NDUFAF2: variants seen among roughly 807,000 people sequenced by gnomAD.
NDUFAF2 encodes NADH dehydrogenase [ubiquinone] 1 alpha subcomplex assembly factor 2.
Under a neutral mutation model 22.8 loss-of-function variants are expected in NDUFAF2, and 13 were observed. The ratio of observed to expected loss-of-function variants is 0.57; its 90% CI spans 0.37 to 0.91. NDUFAF2 has a LOEUF of 0.91. NDUFAF2 is among the 40% of genes least tolerant of loss of function. NDUFAF2 has a pLI of 0.01. For synonymous variants in NDUFAF2, 53 were observed against 64.2 expected (o/e 0.83, Z 0.84); for missense variants, 162 against 195.2 (o/e 0.83, Z 1.01).
chr5:61,100,936 T>C (rs1467342338), intron 3 of NDUFAF2, among the ~76,000 whole-genome samples: 1 of 152,148 alleles, frequency 6.6e-6, no homozygotes, highest in Non-Finnish European at 1.5e-5. Flanking sequence ...ACCTGGAATA[T>C]GGTCTTCTCC....
At chr5:61,025,744 T>C (rs990831063) in intron 1 of NDUFAF2, among the ~76,000 whole-genome samples, 5 of 152,048 alleles carry the variant, frequency 3.3e-5, no homozygotes, top group African/African-American at 4.8e-5. Flanking sequence ...ACTTCATATA[T>C]AGAAAACACT....
rs570173698 is a variant in NDUFAF2, at chr5:60,955,924, T to G, written c.127+10542T>G. On this transcript the variant is annotated intron_variant, in intron 1 of 3. Transcript: ENST00000296597. ...GATTTTTGTATGTTGACTTTGTTTT[T>G]TTTTTTTTGAGATAGAGTCTCGCTC... is the stretch of plus-strand genomic sequence containing the variant. Among the ~76,000 whole-genome samples, 399 of 151,878 alleles carry G rather than the reference T, an allele frequency of 2.6e-3. 1 individual carries two copies. The highest frequency in any genetic ancestry group is 6.4e-3 in the South Asian group (31 of 4,820).
chr5:61,062,388 G>T (rs1752176093), intron 1 of NDUFAF2, among the ~76,000 whole-genome samples: 1 of 151,980 alleles, frequency 6.6e-6, no homozygotes, highest in South Asian at 2.1e-4. Context: ...CAGAAATCTT[G>T]GAGCTGAAGA....
intron 3 of NDUFAF2, among the ~76,000 whole-genome samples, chr5:61,147,559 C>G (rs1168057738): frequency 6.8e-6 from 1 of 147,668 alleles, no homozygotes; most frequent in African/African-American, 2.5e-5. Context: ...CAGGCGTGAG[C>G]CACCACGTAC....
At chr5:61,035,424 GTTTTT>G (rs768889484) in intron 1 of NDUFAF2, among the ~76,000 whole-genome samples, 2 of 40,544 alleles carry the variant, frequency 4.9e-5, no homozygotes, top group South Asian at 9.9e-4. Context: ...CTCTTGCTCT[GTTTTT>G]TTTTTTTTTT....
chr5:61,152,550 C>T (rs917035430), intron 3 of NDUFAF2, among the ~76,000 whole-genome samples, 154 bp from the exon 4 acceptor site: 1 of 151,952 alleles, frequency 6.6e-6, no homozygotes, highest in African/African-American at 2.4e-5. Context: ...ACAGCTTTTT[C>T]AAACTTATAT....
At chr5:61,102,857 A>C (rs1316348838) in intron 3 of NDUFAF2, among the ~76,000 whole-genome samples, 1 of 145,752 alleles carries the variant, frequency 6.9e-6, no homozygotes, top group African/African-American at 2.4e-5. Context: ...GACACGTTTT[A>C]AGTATATGAA....
intron 1 of NDUFAF2, among the ~76,000 whole-genome samples, chr5:61,043,679 A>G (rs918150902): frequency 6.4e-4 from 96 of 149,310 alleles, no homozygotes; most frequent in Non-Finnish European, 1.0e-3. Flanking sequence ...AGCTGTATAT[A>G]TGTGTGTGTG....
At chr5:61,017,894 C>A (rs1313339123) in intron 1 of NDUFAF2, among the ~76,000 whole-genome samples, 1 of 152,070 alleles carries the variant, frequency 6.6e-6, no homozygotes, top group African/African-American at 2.4e-5. Context: ...GGATGACAGG[C>A]ATGCGTCACC....
chr5:61,138,128 A>G (rs1740991549), intron 3 of NDUFAF2, among the ~76,000 whole-genome samples: 1 of 152,204 alleles, frequency 6.6e-6, no homozygotes, highest in Non-Finnish European at 1.5e-5. Flanking sequence ...GGCTTATCCA[A>G]ATATCTCCAT....
intron 1 of NDUFAF2, among the ~76,000 whole-genome samples, chr5:61,018,845 C>A (rs181065654): frequency 6.6e-6 from 1 of 152,138 alleles, no homozygotes; most frequent in Admixed American, 6.5e-5. Flanking sequence ...TAAGAGCCTG[C>A]ATTTTATTGC....
At chr5:60,974,556 T>C (rs1312518189) in intron 1 of NDUFAF2, among the ~76,000 whole-genome samples, 1 of 152,148 alleles carries the variant, frequency 6.6e-6, no homozygotes, top group African/African-American at 2.4e-5. Context: ...TTTCACCATT[T>C]TGGCCAGGCT....
At chr5:61,015,577 T>A (rs1211174220) in intron 1 of NDUFAF2, among the ~76,000 whole-genome samples, 1 of 152,098 alleles carries the variant, frequency 6.6e-6, no homozygotes, top group Non-Finnish European at 1.5e-5. Context: ...CCACCTCACC[T>A]GGCCCAATTT....
chr5:61,152,968 CA>C lies in NDUFAF2; in HGVS notation c.*16del. On this transcript the variant is annotated 3_prime_UTR_variant, in exon 4 of 4. Coordinates refer to ENST00000296597, the MANE Select transcript of NDUFAF2 (RefSeq NM_174889.5). ...CCACAATCAATGAATGCATTATGGT[CA>C]AATCTTTTCATGTATATGGATGTGA... 1 of 1,613,116 alleles carries C rather than the reference CA, an allele frequency of 6.2e-7. No homozygotes were observed. Among genetic ancestry groups the C allele is most frequent in the Non-Finnish European group, 8.5e-7 (1 of 1,179,408 alleles).
In NDUFAF2 at chr5:61,032,886, A is replaced by G. The variant is rs537962185; in HGVS notation, c.128-40239A>G. On this transcript the variant is annotated intron_variant, in intron 1 of 3. Coordinates refer to ENST00000296597, the MANE Select transcript of NDUFAF2 (RefSeq NM_174889.5). ...TTCTAGATCCTTGAGGAATTGCCAC[A>G]CTGTCTTCCACAATGGCTGAACTAA... is the stretch of plus-strand genomic sequence containing the variant. 2.0e-5 allele frequency among the ~76,000 whole-genome samples: 3 copies of G among 152,286 alleles called. No individual in the cohort carries two copies. In the South Asian group the frequency reaches 6.2e-4, roughly 32 times the overall value.
chr5:61,112,218 C>G (rs915724654), intron 3 of NDUFAF2, among the ~76,000 whole-genome samples: 9 of 139,910 alleles, frequency 6.4e-5, no homozygotes, highest in Non-Finnish European at 9.2e-5. Context: ...TATCCCCCCC[C>G]CTTTTTTTTT....
intron 1 of NDUFAF2, among the ~76,000 whole-genome samples, chr5:61,067,407 G>C (rs549299999): frequency 6.6e-6 from 1 of 151,290 alleles, no homozygotes; most frequent in African/African-American, 2.4e-5. Context: ...AGAACATGTG[G>C]TGTTTGGTTT....
chr5:61,115,559 C>G (rs945403228), intron 3 of NDUFAF2: 35 of 152,058 alleles, frequency 2.3e-4, no homozygotes, highest in African/African-American at 8.2e-4. Context: ...TTATAGTATT[C>G]TTGCTAATAA....
intron 1 of NDUFAF2, among the ~76,000 whole-genome samples, chr5:61,057,291 G>A (rs1219435384): frequency 1.3e-5 from 2 of 152,130 alleles, no homozygotes; most frequent in Non-Finnish European, 2.9e-5. Context: ...TAGATTCACA[G>A]CTGAAGTAGG....
Sources: gnomAD v4.1 joint callset for allele counts (sites outside exome capture counted in the v4.1 genomes callset) on GRCh38, gnomAD v4.1.1 for gene constraint, MANE v1.5 for transcripts, NCBI Gene and HGNC (gene_info 2026-07-23, HGNC 2026-07-21) for gene names.